The following TRPC6 variants were observed in gnomAD, a reference collection of about 807,000 sequenced individuals.
TRPC6 encodes the protein short transient receptor potential channel 6.
A neutral mutation model predicts 90.7 loss-of-function variants in TRPC6; 55 were observed. That is an observed-to-expected ratio of 0.61 (90% CI 0.49 to 0.76). TRPC6 has a LOEUF of 0.76. Among genes scored for constraint, TRPC6 ranks in the 30% least tolerant of loss-of-function variants. The pLI, the probability that TRPC6 is intolerant of heterozygous loss-of-function variation, is 0.00. For synonymous variants in TRPC6, 393 were observed against 393.0 expected (o/e 1.00, Z 0.00); for missense variants, 989 against 1,122.7 (o/e 0.88, Z 1.70).
chr11:101,505,412 A>C (rs573944626), intron 1 of TRPC6, among the ~76,000 whole-genome samples: 2 of 152,210 alleles, frequency 1.3e-5, no homozygotes, highest in Non-Finnish European at 2.9e-5. Flanking sequence ...CATCTATCCC[A>C]GATTCTGAGA....
intron 5 of TRPC6, among the ~76,000 whole-genome samples, chr11:101,478,374 G>C (rs182045485): frequency 4.7e-4 from 71 of 152,132 alleles, no homozygotes; most frequent in African/African-American, 1.6e-3. Context: ...TGTGGTCCCC[G>C]GGCTCCTGTC....
At chr11:101,490,751 C>T (rs1201723923) in intron 3 of TRPC6, among the ~76,000 whole-genome samples, 3 of 152,194 alleles carry the variant, frequency 2.0e-5, no homozygotes, top group African/African-American at 7.2e-5. Context: ...CCATTGTGCC[C>T]GGCCAGCTTT....
chr11:101,489,156 A>T, intron 3 of TRPC6, 55 bp from the exon 4 acceptor site: 1 of 1,524,586 alleles, frequency 6.6e-7, no homozygotes, highest in Non-Finnish European at 9.1e-7. Context: ...TTCAGCATAA[A>T]CGATTTTCAT....
chr11:101,561,129 G>C (rs987014520), intron 1 of TRPC6, among the ~76,000 whole-genome samples: 3 of 151,978 alleles, frequency 2.0e-5, no homozygotes, highest in Non-Finnish European at 4.4e-5. Context: ...GTGTATCCTT[G>C]AGTCATCCAA....
chr11:101,535,231 GAAGA>G (rs1219734660), intron 1 of TRPC6, among the ~76,000 whole-genome samples: 3,190 of 73,984 alleles, frequency 0.043, 81 homozygotes, highest in African/African-American at 0.047. Context: ...AGGAAGGAAG[GAAGA>G]AAACACAAAG....
intron 2 of TRPC6, among the ~76,000 whole-genome samples, chr11:101,496,755 CATCA>C (rs912777766): frequency 2.0e-5 from 3 of 152,134 alleles, no homozygotes; most frequent in African/African-American, 7.2e-5. Context: ...TGGGGTTGCT[CATCA>C]ATCAAACTGT....
At chr11:101,540,534 AC>A (rs1176979395) in intron 1 of TRPC6, among the ~76,000 whole-genome samples, 2 of 152,178 alleles carry the variant, frequency 1.3e-5, no homozygotes, top group African/African-American at 4.8e-5. Flanking sequence ...TTCTTGTTTA[AC>A]TGTGCTGTTA....
intron 1 of TRPC6, among the ~76,000 whole-genome samples, chr11:101,540,568 A>G (rs1861145749): frequency 6.6e-6 from 1 of 152,228 alleles, no homozygotes; most frequent in African/African-American, 2.4e-5. Context: ...AGAGACATCC[A>G]AGGCAACTCA....
At chr11:101,567,407 C>T (rs1861861771) in intron 1 of TRPC6, among the ~76,000 whole-genome samples, 1 of 151,994 alleles carries the variant, frequency 6.6e-6, no homozygotes, top group South Asian at 2.1e-4. Flanking sequence ...TGGGACAGAG[C>T]ATCTGGGGGA....
Position 101,537,526 on chromosome 11 carries a change from C to T in TRPC6, c.171-32728G>A, listed in dbSNP as rs535962417. The stretch of plus-strand genomic sequence containing the variant: ...TACATCTTTAATGCTACCACATGGC[C>T]TTATGTGGATGTTTCTCTAGTCATT... On this transcript the variant is annotated intron_variant, in intron 1 of 12. Transcript: ENST00000344327. Among the ~76,000 whole-genome samples, 9 of 152,092 alleles carry T rather than the reference C, an allele frequency of 5.9e-5. No homozygotes were observed. The South Asian group carries it at 1.4e-3, about 24-fold the overall frequency.
intron 1 of TRPC6, among the ~76,000 whole-genome samples, chr11:101,546,369 G>A (rs1861308206): frequency 1.5e-5 from 1 of 65,564 alleles, no homozygotes; most frequent in Non-Finnish European, 3.2e-5. Flanking sequence ...ACCGCACCCG[G>A]CCTTATAACT....
intron 1 of TRPC6, among the ~76,000 whole-genome samples, chr11:101,557,134 T>C (rs1302166502): frequency 6.6e-6 from 1 of 152,090 alleles, no homozygotes; most frequent in Non-Finnish European, 1.5e-5. Flanking sequence ...GGTAGGCAGA[T>C]CATTGAGGCC....
intron 10 of TRPC6, among the ~76,000 whole-genome samples, chr11:101,460,967 T>C (rs1858992007): frequency 6.6e-6 from 1 of 152,164 alleles, no homozygotes; most frequent in Non-Finnish European, 1.5e-5. Flanking sequence ...AACAATAACA[T>C]TACTAGCTGA....
At chr11:101,545,776 TTTAA>T (rs1469829782) in intron 1 of TRPC6, among the ~76,000 whole-genome samples, 4 of 152,204 alleles carry the variant, frequency 2.6e-5, no homozygotes, top group Admixed American at 1.3e-4. Context: ...TTTACCTTCC[TTTAA>T]TTAAGACATC....
In TRPC6 at chr11:101,464,654, C is replaced by T. The variant is rs141851805; in HGVS notation, c.2484+4773G>A. On this transcript the variant is annotated intron_variant, in intron 10 of 12. Coordinates refer to ENST00000344327, the MANE Select transcript of TRPC6 (RefSeq NM_004621.6). ...CTTTCCATTTGCTTGGTAAATATTC[C>T]TCCATCCCTTTATTTTGAGCCTATG... Among the ~76,000 whole-genome samples, 1,178 of 152,186 alleles carry T rather than the reference C, an allele frequency of 7.7e-3. 15 individuals carry two copies. The highest frequency in any genetic ancestry group is 0.026 in the African/African-American group (1,092 of 41,512).
intron 1 of TRPC6, among the ~76,000 whole-genome samples, chr11:101,525,025 C>T (rs1860746058): frequency 6.6e-6 from 1 of 151,132 alleles, no homozygotes; most frequent in South Asian, 2.1e-4. Flanking sequence ...AAGTAGAAAT[C>T]TTAAAGGAAT....
At chr11:101,582,999 C>G (rs1862233641) in intron 1 of TRPC6, among the ~76,000 whole-genome samples, 1 of 152,210 alleles carries the variant, frequency 6.6e-6, no homozygotes, top group African/African-American at 2.4e-5. Context: ...GCGATCCTGT[C>G]TCTTGTAGAG....
In TRPC6 at chr11:101,453,120, A is replaced by G; in HGVS notation, c.2645-14T>C. 2 of 1,592,178 alleles carry G rather than the reference A, an allele frequency of 1.3e-6. No individual in the cohort carries two copies. Among genetic ancestry groups the G allele is most frequent in the Non-Finnish European group, 1.7e-6 (2 of 1,175,732 alleles). ...CCTTCAGTTCCCCTTTGAAAGCAAG[A>G]GTGATAAGAAGTCAACTATAAATAC... On this transcript the variant is annotated splice_polypyrimidine_tract_variant and intron_variant, in intron 12 of 12. Coordinates refer to ENST00000344327, the MANE Select transcript of TRPC6 (RefSeq NM_004621.6).
In TRPC6 at chr11:101,452,863, A is replaced by G; in HGVS notation, c.*92T>C. ...GTTATTTAACGTTTTCTTGTTTAAA[A>G]GGTGGGCCCATTGGCACTTAAGAAA... On this transcript the variant is annotated 3_prime_UTR_variant, in exon 13 of 13. Coordinates refer to ENST00000344327, the MANE Select transcript of TRPC6 (RefSeq NM_004621.6). 1 of 1,447,558 alleles carries G rather than the reference A, an allele frequency of 6.9e-7. No individual in the cohort carries two copies. Among genetic ancestry groups the G allele is most frequent in the Non-Finnish European group, 9.6e-7 (1 of 1,038,926 alleles). The allele number at this position is 1,447,558 out of a possible 1,614,324, so 89.7% of individuals were successfully genotyped here. A position where few individuals can be genotyped will look rare whatever the true frequency, so the allele number is the denominator to read the frequency against.
Sources: allele counts gnomAD v4.1 joint callset (sites outside exome capture counted in the v4.1 genomes callset), GRCh38; gene constraint gnomAD v4.1.1; transcripts MANE v1.5; gene names NCBI Gene and HGNC (gene_info 2026-07-23, HGNC 2026-07-21).